Variants in PARD3 observed in about 807,000 individuals in gnomAD.
The protein encoded by PARD3 is partitioning defective 3 homolog.
A neutral mutation model predicts 155.4 loss-of-function variants in PARD3; 75 were observed. The ratio of observed to expected loss-of-function variants is 0.48; its 90% CI spans 0.40 to 0.58. The LOEUF is 0.58. Ranked by LOEUF, PARD3 falls within the 20% of genes least tolerant of loss-of-function variation. The pLI is 0.00. For synonymous variants in PARD3, 576 were observed against 610.5 expected (o/e 0.94, Z 0.83); for missense variants, 1,642 against 1,721.7 (o/e 0.95, Z 0.82).
At chr10:34,804,035 GTT>G (rs373473801) in intron 1 of PARD3, among the ~76,000 whole-genome samples, 11,116 of 136,714 alleles carry the variant, frequency 0.081, 426 homozygotes, top group South Asian at 0.13. Context: ...ATTTGTTTTT[GTT>G]TTTTTTTTTT....
chr10:34,545,408 T>C (rs1055532173), intron 2 of PARD3, among the ~76,000 whole-genome samples: 5 of 152,312 alleles, frequency 3.3e-5, no homozygotes, highest in East Asian at 1.9e-4. Flanking sequence ...CCCAAAGCAC[T>C]TGTCAACAGA....
chr10:34,325,859 A>C (rs1834965487), intron 19 of PARD3, among the ~76,000 whole-genome samples: 1 of 151,928 alleles, frequency 6.6e-6, no homozygotes, highest in Non-Finnish European at 1.5e-5. Flanking sequence ...GCGGTGGCTC[A>C]CTCCTGTAAT....
chr10:34,687,454 A>T (rs1395501528), intron 2 of PARD3, among the ~76,000 whole-genome samples: 1 of 152,168 alleles, frequency 6.6e-6, no homozygotes, highest in Non-Finnish European at 1.5e-5. Context: ...TCTGATAAAC[A>T]TCAACAGGCT....
rs538590174 is a variant in PARD3, at chr10:34,232,528, T to G, written c.3419+37129A>C. Among the ~76,000 whole-genome samples the G allele has an allele frequency of 3.9e-5, 6 of 152,180 alleles. No homozygotes were observed. The South Asian group carries it at 1.2e-3, about 32-fold the overall frequency. ...TCAAACAAGATGACTTTTATACACG[T>G]GAATGAAATGTTCCTCTTTTATAGA... On this transcript the variant is annotated intron_variant, in intron 22 of 24. Coordinates refer to ENST00000374788, the MANE Select transcript of PARD3 (RefSeq NM_001184785.2).
intron 1 of PARD3, among the ~76,000 whole-genome samples, chr10:34,744,573 A>G (rs1249674029): frequency 2.0e-5 from 3 of 152,194 alleles, no homozygotes; most frequent in Non-Finnish European, 4.4e-5. Context: ...GAATCTCTTG[A>G]TTTAACTTCC....
intron 1 of PARD3, among the ~76,000 whole-genome samples, chr10:34,716,450 A>G (rs2094520354): frequency 6.6e-6 from 1 of 152,218 alleles, no homozygotes; most frequent in South Asian, 2.1e-4. Flanking sequence ...ACTACCTCAA[A>G]CAACAATAAA....
chr10:34,726,736 C>G (rs1190464316), intron 1 of PARD3, among the ~76,000 whole-genome samples: 1 of 150,754 alleles, frequency 6.6e-6, no homozygotes, highest in East Asian at 2.0e-4. Context: ...GCACTCCAGT[C>G]TGGGCGGCAA....
At chr10:34,749,570 T>C (rs1385358936) in intron 1 of PARD3, among the ~76,000 whole-genome samples, 6 of 151,952 alleles carry the variant, frequency 3.9e-5, no homozygotes, top group Non-Finnish European at 7.4e-5. Flanking sequence ...CCCTAGGAAA[T>C]ACTTAGCAAA....
intron 5 of PARD3, among the ~76,000 whole-genome samples, chr10:34,440,867 G>A (rs1446369772): frequency 6.6e-6 from 1 of 151,942 alleles, no homozygotes; most frequent in African/African-American, 2.4e-5. Flanking sequence ...AAGCTCTCAT[G>A]AAGATACTTA....
chr10:34,451,365 T>A (rs2077045890), intron 4 of PARD3, among the ~76,000 whole-genome samples: 2 of 152,162 alleles, frequency 1.3e-5, no homozygotes, highest in Non-Finnish European at 2.9e-5. Flanking sequence ...TACACCAAGT[T>A]AGAAGAAGTA....
intron 5 of PARD3, among the ~76,000 whole-genome samples, chr10:34,437,636 A>G (rs542699861): frequency 3.2e-4 from 49 of 152,272 alleles, no homozygotes; most frequent in Non-Finnish European, 6.0e-4. Context: ...TTTCATTTGA[A>G]TAAAAATGAA....
chr10:34,256,812 A>C (rs1564524279), intron 22 of PARD3, among the ~76,000 whole-genome samples: 1 of 149,820 alleles, frequency 6.7e-6, no homozygotes, highest in Non-Finnish European at 1.5e-5. Context: ...CTAACATTGG[A>C]GTCCATTTTA....
rs1162025881 is a variant in PARD3, at chr10:34,605,822, CTA to C, written c.223-88665_223-88664del. Among the ~76,000 whole-genome samples the C allele has an allele frequency of 1.1e-3, 22 of 19,560 alleles. 9 individuals are homozygous for C. Among genetic ancestry groups the C allele is most frequent in the African/African-American group, 3.8e-3 (4 of 1,056 alleles). The allele number at this position is 19,560 out of a possible 152,430, so 12.8% of individuals were successfully genotyped here. A position where few individuals can be genotyped will look rare whatever the true frequency, so the allele number is the denominator to read the frequency against. ...TATATATCTCCTATATATATATCTC[CTA>C]TATATATATATCTCCTATATATATA... On this transcript the variant is annotated intron_variant, in intron 2 of 24. Coordinates refer to ENST00000374788, the MANE Select transcript of PARD3 (RefSeq NM_001184785.2).
chr10:34,250,739 A>G (rs1480636432), intron 22 of PARD3, among the ~76,000 whole-genome samples: 2 of 150,732 alleles, frequency 1.3e-5, no homozygotes, highest in African/African-American at 4.8e-5. Context: ...TACACTACAT[A>G]TTTATTAACA....
intron 21 of PARD3, among the ~76,000 whole-genome samples, chr10:34,281,877 T>C (rs1956174746): frequency 6.6e-6 from 1 of 152,132 alleles, no homozygotes; most frequent in Non-Finnish European, 1.5e-5. Context: ...GGAATTCAAA[T>C]AGCTACAGTG....
rs1490038158 is a variant in PARD3 at position 34,697,054 on chromosome 10, ACC to A, written c.121-637_121-636del. 7.5e-4 allele frequency among the ~76,000 whole-genome samples: 109 copies of A among 145,022 alleles called. 1 individual carries two copies. Among genetic ancestry groups the A allele is most frequent in the East Asian group, 4.3e-3 (22 of 5,084 alleles). On this transcript the variant is annotated intron_variant, in intron 1 of 24. Transcript: ENST00000374788. ...TGCGTAAACACACACACACACACAC[ACC>A]CCCCTCAAAATTTGCAGTGGTTATC...
At chr10:34,225,009 G>A (rs558745725) in intron 22 of PARD3, among the ~76,000 whole-genome samples, 20 of 151,960 alleles carry the variant, frequency 1.3e-4, no homozygotes, top group African/African-American at 4.6e-4. Context: ...TTTTGAAAGA[G>A]AGACAGAAAA....
chr10:34,433,962 TA>T (rs1234571781), intron 5 of PARD3, among the ~76,000 whole-genome samples: 1 of 152,082 alleles, frequency 6.6e-6, no homozygotes, highest in Admixed American at 6.6e-5. Context: ...CTGCCCTCTT[TA>T]AAAAGAAAGA....
chr10:34,332,259 C>T (rs751067981), intron 18 of PARD3, among the ~76,000 whole-genome samples: 14 of 152,158 alleles, frequency 9.2e-5, no homozygotes, highest in Non-Finnish European at 1.8e-4. Context: ...AAACTGATTT[C>T]TTTAACCAGG....
Sources: gnomAD v4.1 joint callset for allele counts (sites outside exome capture counted in the v4.1 genomes callset) on GRCh38, gnomAD v4.1.1 for gene constraint, MANE v1.5 for transcripts, NCBI Gene and HGNC (gene_info 2026-07-23, HGNC 2026-07-21) for gene names.